The following APBB2 variants were observed in gnomAD, a reference collection of about 807,000 sequenced individuals.
APBB2 encodes amyloid beta precursor protein binding family B member 2, also known as Fe65-like 1.
APBB2 carries 38 observed loss-of-function variants against 82.5 expected under a neutral mutation model. The ratio of observed to expected loss-of-function variants is 0.46; its 90% CI spans 0.36 to 0.60. The LOEUF (loss-of-function observed/expected upper bound fraction) is 0.60. Ranked by LOEUF, APBB2 falls within the 20% of genes least tolerant of loss-of-function variation. APBB2 has a pLI of 0.00. For synonymous variants in APBB2, 341 were observed against 368.2 expected, an observed-to-expected ratio of 0.93 and a Z score of 0.85; for missense variants, 772 against 972.3, an observed-to-expected ratio of 0.79 and a Z score of 2.74.
Position 40,821,920 on chromosome 4 carries a change from C to T in APBB2, c.2063G>A (p.Cys688Tyr), listed in dbSNP as rs1354121167. ...AGACACGTTACCAGCATTAGGCTCG[C>T]ACCAGAAAACGTGGCACTCAAAGCG... Reference protein sequence around the residue: ...NQRFECHVFWCEPNAGNVSEA... With the variant: ...NQRFECHVFWYEPNAGNVSEA... Residue 688 changes from cysteine (C) to tyrosine (Y), a missense_variant, in exon 17 of 18, where the codon TGC becomes TAC. Transcript: ENST00000508593. The T allele has an allele frequency of 1.9e-6, 3 of 1,613,974 alleles. No homozygotes were observed. The highest frequency in any genetic ancestry group is 2.5e-6 in the Non-Finnish European group (3 of 1,180,048).
At position 41,141,736 on chromosome 4, in the gene APBB2, T is replaced by C. The variant is rs138996426; in HGVS notation, c.-261+1251A>G. Among the ~76,000 whole-genome samples the C allele has an allele frequency of 2.8e-3, 420 of 152,328 alleles. 1 individual carries two copies. Among genetic ancestry groups the C allele is most frequent in the Non-Finnish European group, 3.7e-3 (250 of 68,026 alleles). On this transcript the variant is annotated intron_variant, in intron 2 of 17. Coordinates refer to ENST00000508593, the MANE Select transcript of APBB2 (RefSeq NM_004307.2). ...GTGGAAGGCAAGGAGGAGCTAGTCA[T>C]GTCTTGCATGGATGCCAGCAGGCAA...
intron 12 of APBB2, among the ~76,000 whole-genome samples, chr4:40,858,033 C>G (rs1578019358): frequency 6.6e-6 from 1 of 152,142 alleles, no homozygotes; most frequent in Non-Finnish European, 1.5e-5. Flanking sequence ...ATCCCTACCT[C>G]TTTTAAGACA....
chr4:40,918,417 T>C (rs972168146), intron 10 of APBB2, among the ~76,000 whole-genome samples: 1 of 152,248 alleles, frequency 6.6e-6, no homozygotes, highest in Non-Finnish European at 1.5e-5. Flanking sequence ...AGTATTAACT[T>C]TTTAAGTTAA....
At chr4:41,002,602 T>C (rs1414498117) in intron 6 of APBB2, among the ~76,000 whole-genome samples, 1 of 152,226 alleles carries the variant, frequency 6.6e-6, no homozygotes, top group Non-Finnish European at 1.5e-5. Flanking sequence ...ACAGGACCCA[T>C]CTAAAGGGGC....
chr4:41,124,258 G>A (rs1199019911), intron 2 of APBB2, among the ~76,000 whole-genome samples: 4 of 151,656 alleles, frequency 2.6e-5, no homozygotes, highest in African/African-American at 7.3e-5. Flanking sequence ...TCACTCTGTC[G>A]CCCAGGCTGG....
chr4:41,057,336 A>C (rs1255055215), intron 4 of APBB2, among the ~76,000 whole-genome samples: 3 of 152,186 alleles, frequency 2.0e-5, no homozygotes, highest in Non-Finnish European at 4.4e-5. Flanking sequence ...CTGTAATCCC[A>C]GCTACTCAGG....
chr4:40,875,319 G>C (rs1023643937), intron 12 of APBB2, among the ~76,000 whole-genome samples: 1 of 152,180 alleles, frequency 6.6e-6, no homozygotes, highest in African/African-American at 2.4e-5. Context: ...AGGACAGTGT[G>C]TCTTTCAATG....
At chr4:40,910,946 T>C (rs73810676) in intron 10 of APBB2, among the ~76,000 whole-genome samples, 14,456 of 152,302 alleles carry the variant, frequency 0.095, 784 homozygotes, top group Middle Eastern at 0.16. Context: ...GTTGTTTTTA[T>C]TGGAATAATA....
intron 10 of APBB2, among the ~76,000 whole-genome samples, chr4:40,898,463 C>T (rs745533958): frequency 1.3e-5 from 2 of 152,104 alleles, no homozygotes; most frequent in African/African-American, 2.4e-5. Flanking sequence ...CGGGGTTTCA[C>T]CATGTTGGCC....
At chr4:41,035,959 G>C (rs1221080929) in intron 4 of APBB2, among the ~76,000 whole-genome samples, 2 of 152,126 alleles carry the variant, frequency 1.3e-5, no homozygotes, top group East Asian at 3.9e-4. Context: ...AGGAGTTTGA[G>C]ACCAGCCTGG....
intron 17 of APBB2, among the ~76,000 whole-genome samples, chr4:40,821,273 T>C (rs1365400045): frequency 1.3e-5 from 2 of 152,224 alleles, no homozygotes; most frequent in East Asian, 1.9e-4. Context: ...CAAGTATCCA[T>C]GTGGTATAAA....
intron 3 of APBB2, among the ~76,000 whole-genome samples, chr4:41,092,047 C>T (rs1445538776): frequency 6.6e-6 from 1 of 152,212 alleles, no homozygotes; most frequent in East Asian, 1.9e-4. Flanking sequence ...CCATTCTCTT[C>T]TATGGTCCAG....
chr4:41,065,859 C>T (rs2153891650), intron 3 of APBB2, among the ~76,000 whole-genome samples, 186 bp from the exon 4 acceptor site: 1 of 151,842 alleles, frequency 6.6e-6, no homozygotes, highest in Non-Finnish European at 1.5e-5. Flanking sequence ...AGGCCCAGGG[C>T]TTGCTGATGA....
In APBB2 at chr4:41,205,845, A is replaced by G. The variant is rs1310182590; in HGVS notation, c.-417+8560T>C. Among the ~76,000 whole-genome samples, 3 of 152,340 alleles carry G rather than the reference A, an allele frequency of 2.0e-5. No individual in the cohort carries two copies. In the East Asian group the frequency reaches 5.8e-4, roughly 29 times the overall value. On this transcript the variant is annotated intron_variant, in intron 1 of 17. Coordinates refer to ENST00000508593, the MANE Select transcript of APBB2 (RefSeq NM_004307.2). ...TAGTATTCCTATTTGCAGATGAGCAAACTGAGCACTGTGTAATTCTGTTGT... is the reference window on the plus strand; with the variant it reads ...TAGTATTCCTATTTGCAGATGAGCAGACTGAGCACTGTGTAATTCTGTTGT...
intron 12 of APBB2, among the ~76,000 whole-genome samples, chr4:40,839,679 T>C (rs1755170278): frequency 6.6e-6 from 1 of 152,090 alleles, no homozygotes; most frequent in South Asian, 2.1e-4. Flanking sequence ...TCTTTTTTTT[T>C]TTTGAGGTGG....
chr4:40,952,438 T>G (rs1173439917), intron 6 of APBB2, among the ~76,000 whole-genome samples: 1 of 152,096 alleles, frequency 6.6e-6, no homozygotes, highest in African/African-American at 2.4e-5. Context: ...TCTCAATTAA[T>G]GAGGAAGCAA....
intron 2 of APBB2, among the ~76,000 whole-genome samples, chr4:41,120,788 T>C (rs1002493689): frequency 2.6e-5 from 4 of 152,224 alleles, no homozygotes; most frequent in African/African-American, 7.2e-5. Context: ...ATATTTCTCT[T>C]TGCCAAGTTG....
At chr4:40,901,447 G>C (rs534385278) in intron 10 of APBB2, among the ~76,000 whole-genome samples, 2 of 152,080 alleles carry the variant, frequency 1.3e-5, no homozygotes, top group African/African-American at 2.4e-5. Context: ...TGGTGGGGGT[G>C]GGGGGTGCTC....
intron 1 of APBB2, among the ~76,000 whole-genome samples, chr4:41,204,563 A>T (rs935245835): frequency 6.6e-6 from 1 of 152,200 alleles, no homozygotes; most frequent in East Asian, 1.9e-4. Context: ...AAGCAGGATA[A>T]GTGCTCGTCT....
Sources: gnomAD v4.1 joint callset for allele counts (sites outside exome capture counted in the v4.1 genomes callset) on GRCh38, gnomAD v4.1.1 for gene constraint, MANE v1.5 for transcripts, NCBI Gene and HGNC (gene_info 2026-07-23, HGNC 2026-07-21) for gene names.